The following EPHA4 variants were observed in gnomAD, a reference collection of about 807,000 sequenced individuals.
EPHA4 encodes the protein ephrin type-A receptor 4.
Under a neutral mutation model 108.3 loss-of-function variants are expected in EPHA4, and 19 were observed. The observed-to-expected ratio is 0.18, with a 90% CI of 0.12 to 0.26. EPHA4 has a LOEUF of 0.26. Ranked by LOEUF, EPHA4 falls within the 10% of genes least tolerant of loss-of-function variation. The pLI, the probability that EPHA4 is intolerant of heterozygous loss-of-function variation, is 1.00. For missense variants in EPHA4, 917 were observed against 1,254.0 expected, an observed-to-expected ratio of 0.73 and a Z score of 4.06; for synonymous variants, 449 against 455.5, an observed-to-expected ratio of 0.99 and a Z score of 0.18.
At chr2:221,451,854 C>T (rs963459050) in intron 8 of EPHA4, among the ~76,000 whole-genome samples, 12 of 152,104 alleles carry the variant, frequency 7.9e-5, no homozygotes, top group African/African-American at 2.9e-4. Context: ...ACCGCGATCC[C>T]TAAATGCTTA....
intron 3 of EPHA4, among the ~76,000 whole-genome samples, chr2:221,517,099 T>C (rs969416038): frequency 2.0e-5 from 3 of 152,206 alleles, no homozygotes; most frequent in African/African-American, 7.2e-5. Context: ...ACAGAGCACA[T>C]ATTCTACTGG....
intron 3 of EPHA4, among the ~76,000 whole-genome samples, chr2:221,520,027 A>C (rs931265995): frequency 2.0e-5 from 3 of 151,902 alleles, no homozygotes; most frequent in Admixed American, 2.0e-4. Flanking sequence ...CCATTATCAA[A>C]ATTTAAAATT....
chr2:221,508,061 G>A (rs1692684978), intron 3 of EPHA4, among the ~76,000 whole-genome samples: 1 of 152,164 alleles, frequency 6.6e-6, no homozygotes, highest in Non-Finnish European at 1.5e-5. Flanking sequence ...CCCTGGACCC[G>A]ATGACAACAT....
intron 14 of EPHA4, among the ~76,000 whole-genome samples, chr2:221,432,565 T>C (rs2106094885): frequency 6.6e-6 from 1 of 152,294 alleles, no homozygotes; most frequent in South Asian, 2.1e-4. Context: ...AACACTACCA[T>C]TCCCCTTAAT....
At chr2:221,521,217 A>T (rs1373211734) in intron 3 of EPHA4, among the ~76,000 whole-genome samples, 2 of 152,316 alleles carry the variant, frequency 1.3e-5, no homozygotes, top group East Asian at 3.9e-4. Context: ...TGCTTGGCCT[A>T]ACTTCTAGAA....
chr2:221,541,233 T>A (rs1328768120), intron 3 of EPHA4, among the ~76,000 whole-genome samples: 1 of 152,146 alleles, frequency 6.6e-6, no homozygotes, highest in Admixed American at 6.5e-5. Context: ...TACAGGCATA[T>A]GCCACTTTGC....
intron 3 of EPHA4, among the ~76,000 whole-genome samples, chr2:221,524,381 A>G (rs1019714590): frequency 1.3e-5 from 2 of 152,224 alleles, no homozygotes; most frequent in Non-Finnish European, 2.9e-5. Context: ...ACACGTCTCT[A>G]TGGTTCCTCC....
At chr2:221,434,592 G>A (rs1020673061) in intron 13 of EPHA4, among the ~76,000 whole-genome samples, 12 of 152,178 alleles carry the variant, frequency 7.9e-5, no homozygotes, top group African/African-American at 1.4e-4. Context: ...TACAAAATAC[G>A]TGTTATCTAC....
chr2:221,453,643 GTA>G (rs1690852410), intron 8 of EPHA4, among the ~76,000 whole-genome samples: 1 of 152,116 alleles, frequency 6.6e-6, no homozygotes, highest in South Asian at 2.1e-4. Context: ...ATATGTTTTT[GTA>G]TGTGTGTGTA....
intron 3 of EPHA4, among the ~76,000 whole-genome samples, chr2:221,561,974 TGTCATTGCC>T (rs751799616): frequency 6.6e-6 from 1 of 152,208 alleles, no homozygotes; most frequent in Non-Finnish European, 1.5e-5. Context: ...TGTGATGGCA[TGTCATTGCC>T]CTGCTCATTT....
chr2:221,497,602 G>A (rs1287038511), intron 4 of EPHA4, among the ~76,000 whole-genome samples: 1 of 152,076 alleles, frequency 6.6e-6, no homozygotes, highest in Non-Finnish European at 1.5e-5. Context: ...AACAGGTGTG[G>A]TGGTGGGCGC....
rs1172116005 is a variant in EPHA4 at position 221,571,248 on chromosome 2, C to CCACA, written c.91+906_91+909dup. Among the ~76,000 whole-genome samples, 309 of 141,388 alleles carry CCACA rather than the reference C, an allele frequency of 2.2e-3. No homozygotes were observed. Among genetic ancestry groups the CCACA allele is most frequent in the Admixed American group, 3.6e-3 (51 of 13,990 alleles). 92.8% of individuals were successfully genotyped at this position (141,388 alleles called of 152,430 possible). A position where few individuals can be genotyped will look rare whatever the true frequency, so the allele number is the denominator to read the frequency against. On this transcript the variant is annotated intron_variant, in intron 1 of 17. Transcript: ENST00000281821. The surrounding 1 kb of genome is among the most constrained non-coding windows in gnomAD (Gnocchi z 6.3). ...ACACACGCAGACATGCACACACACA[C>CCACA]CACACATACACACACACACACACAC...
rs759416479 is a variant in EPHA4, at chr2:221,442,904, A to G, written c.1999T>C (p.Phe667Leu). The G allele has an allele frequency of 6.2e-7, 1 of 1,614,150 alleles. No individual in the cohort carries two copies. Among genetic ancestry groups the G allele is most frequent in the Non-Finnish European group, 8.5e-7 (1 of 1,180,024 alleles). The change falls in exon 11 of 18, where the codon TTC becomes CTC. Residue 667 changes from phenylalanine to leucine, a missense_variant. Phe to Leu is a conservative substitution (Grantham distance 22, BLOSUM62 0). This residue lies in a region of EPHA4 where 758 missense variants were observed against 1,076.7 expected (regional missense o/e 0.70). Coordinates refer to ENST00000281821, the MANE Select transcript of EPHA4 (RefSeq NM_004438.5). ...AGYTDKQRRD[F>L]LSEASIMGQF... ...CCCATGATGCTGGCCTCACTCAGGA[A>G]GTCTCTCCTCTGTTTGTCTGTATAA...
chr2:221,537,436 T>A (rs1268180655), intron 3 of EPHA4, among the ~76,000 whole-genome samples: 3 of 152,234 alleles, frequency 2.0e-5, no homozygotes, highest in African/African-American at 7.2e-5. Context: ...TTATTTGATT[T>A]CCAAAAATTA....
intron 5 of EPHA4, among the ~76,000 whole-genome samples, chr2:221,458,295 G>A (rs1454098287): frequency 1.3e-5 from 2 of 152,190 alleles, no homozygotes; most frequent in Admixed American, 6.5e-5. Context: ...TACAGAGAAG[G>A]CTGTCTGGTT....
At chr2:221,557,026 C>T (rs1400561252) in intron 3 of EPHA4, among the ~76,000 whole-genome samples, 1 of 152,154 alleles carries the variant, frequency 6.6e-6, no homozygotes, top group Non-Finnish European at 1.5e-5. Flanking sequence ...CATTATCATA[C>T]ATCAGTTAGC....
intron 3 of EPHA4, among the ~76,000 whole-genome samples, chr2:221,516,599 C>T (rs1692997323): frequency 6.6e-6 from 1 of 152,170 alleles, no homozygotes; most frequent in Admixed American, 6.5e-5. Flanking sequence ...AGGTGATCGG[C>T]CCGCCTCGGC....
At chr2:221,522,768 TTATTA>T (rs1177726809) in intron 3 of EPHA4, among the ~76,000 whole-genome samples, 27 of 109,478 alleles carry the variant, frequency 2.5e-4, no homozygotes, top group South Asian at 7.9e-4. Context: ...ATTATTATTA[TTATTA>T]TTTTTTTGAG....
At chr2:221,554,153 A>C (rs1305087199) in intron 3 of EPHA4, among the ~76,000 whole-genome samples, 1 of 152,224 alleles carries the variant, frequency 6.6e-6, no homozygotes, top group Non-Finnish European at 1.5e-5. Context: ...ACACCAGGGA[A>C]CACACCATGT....
Sources: gnomAD v4.1 joint callset for allele counts (sites outside exome capture counted in the v4.1 genomes callset) on GRCh38, gnomAD v4.1.1 for gene constraint, gnomAD v4.1.1 regional missense constraint, Gnocchi (gnomAD v3.1) non-coding constraint, MANE v1.5 for transcripts, NCBI Gene and HGNC (gene_info 2026-07-23, HGNC 2026-07-21) for gene names.